Variants in STMN2 observed in about 807,000 individuals in gnomAD.
STMN2 encodes stathmin 2.
Under a neutral mutation model 24.1 loss-of-function variants are expected in STMN2, and 2 were observed. The observed-to-expected ratio is 0.08, with a 90% CI of 0.03 to 0.26. STMN2 has a LOEUF of 0.26. STMN2 is among the 10% of genes least tolerant of loss of function. STMN2 has a pLI of 1.00. For missense variants in STMN2, 114 were observed against 213.6 expected, an observed-to-expected ratio of 0.53 and a Z score of 2.91; for synonymous variants, 83 against 77.5, an observed-to-expected ratio of 1.07 and a Z score of -0.37.
At chr8:79,627,890 C>T (rs868590953) in intron 1 of STMN2, among the ~76,000 whole-genome samples, 1 of 152,176 alleles carries the variant, frequency 6.6e-6, no homozygotes, top group Non-Finnish European at 1.5e-5. Flanking sequence ...TTTCACTTGA[C>T]ATAATGTCCT....
chr8:79,646,803 T>C lies in STMN2; in HGVS notation c.288+5253T>C, dbSNP rs113845450. ...ATCCTTTTTTAAAGGGGGAGATGAC[T>C]AGAAAAATAAATAGTGTTAGATAAA... On this transcript the variant is annotated intron_variant, in intron 3 of 4. Coordinates refer to ENST00000220876, the MANE Select transcript of STMN2 (RefSeq NM_007029.4). Among the ~76,000 whole-genome samples the C allele has an allele frequency of 6.8e-3, 1,037 of 152,210 alleles. 17 individuals are homozygous for C. Among genetic ancestry groups the C allele is most frequent in the African/African-American group, 0.023 (969 of 41,532 alleles).
rs372249579 is a variant in STMN2 at position 79,613,412 on chromosome 8, C to T, written c.19+2198C>T. The T allele has an allele frequency of 5.1e-6, 5 of 985,444 alleles. No homozygotes were observed. The East Asian group carries it at 4.6e-4, about 90-fold the overall frequency. 61.0% of individuals were successfully genotyped at this position (985,444 alleles called of 1,614,324 possible). The stretch of plus-strand genomic sequence containing the variant: ...GAGTTGGGCGCTCGCCCCCGCGGTG[C>T]AGCCGGGGAGACCGGTTTCTGCGCA... On this transcript the variant is annotated intron_variant, in intron 1 of 4. Coordinates refer to ENST00000220876, the MANE Select transcript of STMN2 (RefSeq NM_007029.4).
intron 1 of STMN2, among the ~76,000 whole-genome samples, chr8:79,633,414 C>T (rs748206857): frequency 3.3e-5 from 5 of 152,126 alleles, no homozygotes; most frequent in Non-Finnish European, 4.4e-5. Context: ...CAGACCACCT[C>T]GAACAAGAAA....
In STMN2 at chr8:79,644,789, G is replaced by A. The variant is rs191890855; in HGVS notation, c.288+3239G>A. Among the ~76,000 whole-genome samples the A allele has an allele frequency of 8.6e-3, 1,315 of 152,198 alleles. 16 individuals carry two copies. The highest frequency in any genetic ancestry group is 0.014 in the Non-Finnish European group (972 of 68,012). ...ATCTCCCTTCTGTTGCCCTGTTGCC[G>A]TTATTTTCTTACAGATAGAATGAAA... On this transcript the variant is annotated intron_variant, in intron 3 of 4. Coordinates refer to ENST00000220876, the MANE Select transcript of STMN2 (RefSeq NM_007029.4).
chr8:79,619,563 G>A (rs1390275466), intron 1 of STMN2, among the ~76,000 whole-genome samples: 5 of 152,042 alleles, frequency 3.3e-5, no homozygotes, highest in African/African-American at 9.7e-5. Flanking sequence ...CATCAAGATG[G>A]TACTGTTATC....
intron 4 of STMN2, among the ~76,000 whole-genome samples, chr8:79,661,828 T>G (rs1806508743): frequency 6.6e-6 from 1 of 152,028 alleles, no homozygotes; most frequent in African/African-American, 2.4e-5. Context: ...CACCAACATC[T>G]CAATGTATGA....
intron 3 of STMN2, among the ~76,000 whole-genome samples, chr8:79,644,418 T>C (rs1405069429): frequency 1.3e-5 from 2 of 152,244 alleles, no homozygotes; most frequent in Admixed American, 6.5e-5. Context: ...GAGCTTCTTT[T>C]TCCCAATAGT....
chr8:79,636,773 A>G, intron 1 of STMN2, 29 bp from the exon 2 acceptor site: 2 of 1,595,870 alleles, frequency 1.3e-6, no homozygotes, highest in Non-Finnish European at 1.7e-6. Context: ...AAAAAATGAA[A>G]TATACTAATC....
At chr8:79,638,143 G>A (rs1266726056) in intron 2 of STMN2, among the ~76,000 whole-genome samples, 1 of 152,204 alleles carries the variant, frequency 6.6e-6, no homozygotes, top group African/African-American at 2.4e-5. Context: ...TGAGACTAAT[G>A]TCGAACTATG....
Position 79,624,453 on chromosome 8 carries a change from CAAAAAAAAAAAAAAA to C in STMN2, c.20-12338_20-12324del. Among the ~76,000 whole-genome samples, 3 of 45,132 alleles carry C rather than the reference CAAAAAAAAAAAAAAA, an allele frequency of 6.6e-5. 1 individual carries two copies. Among genetic ancestry groups the C allele is most frequent in the African/African-American group, 2.1e-4 (3 of 13,996 alleles). 29.6% of individuals were successfully genotyped at this position (45,132 alleles called of 152,430 possible). ...TGGGCGACAGAGCGAGACTCCGTCT[CAAAAAAAAAAAAAAA>C]AAAAAAAAAAGAAAGAAAGAAAGAA... On this transcript the variant is annotated intron_variant, in intron 1 of 4. Transcript: ENST00000220876.
rs927083013 is a variant in STMN2 at position 79,665,438 on chromosome 8, A to G, written c.*564A>G. 5.8e-5 allele frequency: 9 copies of G among 154,422 alleles called. No homozygotes were observed. Among genetic ancestry groups the G allele is most frequent in the African/African-American group, 1.9e-4 (8 of 41,526 alleles). 9.6% of individuals were successfully genotyped at this position (154,422 alleles called of 1,614,324 possible). A position where few individuals can be genotyped will look rare whatever the true frequency, so the allele number is the denominator to read the frequency against. ...CTTACTGCCTAAAAACTACAAAACC[A>G]GGCTAAGAAATACCACCAGTCATAG... On this transcript the variant is annotated 3_prime_UTR_variant, in exon 5 of 5. Transcript: ENST00000220876.
chr8:79,651,115 T>C (rs1402117322), intron 3 of STMN2, among the ~76,000 whole-genome samples: 1 of 152,210 alleles, frequency 6.6e-6, no homozygotes, highest in Non-Finnish European at 1.5e-5. Flanking sequence ...CCTGCAAATG[T>C]GTGAGTTAAT....
intron 1 of STMN2, among the ~76,000 whole-genome samples, chr8:79,635,519 T>C (rs747743964): frequency 2.4e-4 from 37 of 152,184 alleles, no homozygotes; most frequent in Non-Finnish European, 4.1e-4. Flanking sequence ...TGTCCATCTA[T>C]GGCAGATTGG....
intron 4 of STMN2, among the ~76,000 whole-genome samples, chr8:79,663,288 G>T (rs1806537731): frequency 6.6e-6 from 1 of 152,150 alleles, no homozygotes; most frequent in Admixed American, 6.5e-5. Context: ...AGAGTGAGCT[G>T]TAGAGCCAGG....
chr8:79,620,590 A>G (rs1809491831), intron 1 of STMN2, among the ~76,000 whole-genome samples: 1 of 152,226 alleles, frequency 6.6e-6, no homozygotes, highest in Non-Finnish European at 1.5e-5. Context: ...GTAATTTATA[A>G]CTATAAATGG....
At chr8:79,642,213 G>T (rs1047690348) in intron 3 of STMN2, among the ~76,000 whole-genome samples, 14 of 151,972 alleles carry the variant, frequency 9.2e-5, no homozygotes, top group African/African-American at 3.4e-4. Context: ...TTTGCCATTG[G>T]TCCCTGCTTA....
At chr8:79,657,691 G>A (rs1175861644) in intron 4 of STMN2, among the ~76,000 whole-genome samples, 1 of 152,108 alleles carries the variant, frequency 6.6e-6, no homozygotes, top group Non-Finnish European at 1.5e-5. Flanking sequence ...TTTGGCCAGT[G>A]TCAGTCAAGA....
chr8:79,663,499 T>C, intron 4 of STMN2: 1 of 841,642 alleles, frequency 1.2e-6, no homozygotes, highest in Non-Finnish European at 1.8e-6. Flanking sequence ...CTAATAAATA[T>C]TCAGTATTAT....
intron 1 of STMN2, among the ~76,000 whole-genome samples, chr8:79,624,453 C>CAAAAAAAAA (rs1011493193): frequency 5.5e-4 from 25 of 45,092 alleles, no homozygotes; most frequent in Admixed American, 7.8e-4. Flanking sequence ...GACTCCGTCT[C>CAAAAAAAAA]AAAAAAAAAA....
Sources: allele counts gnomAD v4.1 joint callset (sites outside exome capture counted in the v4.1 genomes callset), GRCh38; gene constraint gnomAD v4.1.1; transcripts MANE v1.5; gene names NCBI Gene and HGNC (gene_info 2026-07-23, HGNC 2026-07-21).